Variants in MED16 observed in about 807,000 individuals in gnomAD.
The protein encoded by MED16 is mediator of RNA polymerase II transcription subunit 16.
In MED16, 81 loss-of-function variants were observed where a neutral mutation model predicts 84.4. The observed-to-expected ratio is 0.96, with a 90% CI of 0.80 to 1.15. MED16 has a LOEUF of 1.15. MED16 is among the 50% of genes most tolerant of loss of function. MED16 has a pLI of 0.00. For missense variants in MED16, 1,585 were observed against 1,245.9 expected (o/e 1.27, Z -4.10); for synonymous variants, 897 against 552.2 (o/e 1.62, Z -8.76).
intron 11 of MED16, among the ~76,000 whole-genome samples, chr19:872,527 A>G (rs1645800043): frequency 6.6e-6 from 1 of 151,922 alleles, no homozygotes; most frequent in Non-Finnish European, 1.5e-5. Flanking sequence ...AGCCCCACAA[A>G]AAGAAGAGAG....
intron 11 of MED16, chr19:872,971 G>T (rs1239180506): frequency 3.4e-6 from 2 of 591,660 alleles, no homozygotes; most frequent in Non-Finnish European, 4.3e-6. Context: ...AGGTGGGGCA[G>T]GGCTCCGAGG....
chr19:889,806 G>A lies in MED16; in HGVS notation c.279C>T (p.Gly93=), dbSNP rs1443314061. ...AITCLEWDQS[G]SRLLSADADG... is the part of the protein sequence containing the mutation. ...CGGCATCTGCTGACAGGAGCCGGGA[G>A]CCTGAGGGCAAGAAGCCATCATTGC... The change falls in exon 4 of 16, where the codon GGC becomes GGT. Residue 93 remains glycine, a splice_region_variant and synonymous_variant. Transcript: ENST00000325464. 4 of 1,609,448 alleles carry A rather than the reference G, an allele frequency of 2.5e-6. No homozygotes were observed. In the East Asian group the frequency reaches 6.7e-5, roughly 27 times the overall value.
In MED16 at chr19:871,076, G is replaced by T; in HGVS notation, c.2276C>A (p.Pro759His). Residue 759 changes from proline (P) to histidine (H), a missense_variant, in exon 13 of 16, where the codon CCT becomes CAT. Pro to His is a moderately conservative substitution (Grantham distance 77). Transcript: ENST00000325464. ...GAGCTGCAGGGTGGCAGCACTGCCA[G>T]GCAGCGTGGGCGCCCGGCCAAACTG... ...RLQFGRAPTLPGSAATLQLDG... is the reference protein window; with the variant it reads ...RLQFGRAPTLHGSAATLQLDG... The T allele has an allele frequency of 6.5e-7, 1 of 1,547,312 alleles. No homozygotes were observed.
At chr19:890,309 C>T (rs551335154) in intron 2 of MED16, 65 bp from the exon 3 acceptor site, 209 of 1,174,696 alleles carry the variant, frequency 1.8e-4, no homozygotes, top group Middle Eastern at 4.0e-4. Context: ...ACGATGACTC[C>T]AGGCAGGCTC....
At chr19:873,421 C>A in intron 11 of MED16, 28 bp downstream of exon 11, 1 of 1,568,984 alleles carries the variant, frequency 6.4e-7, no homozygotes, top group Non-Finnish European at 8.6e-7. Context: ...AGGTGGGGGG[C>A]GGGGCCTTAG....
intron 6 of MED16, among the ~76,000 whole-genome samples, chr19:884,086 GCCTGCCCCA>G (rs746450239): frequency 1.3e-5 from 2 of 152,120 alleles, no homozygotes; most frequent in African/African-American, 2.4e-5. Flanking sequence ...TCTGAGGAGC[GCCTGCCCCA>G]CCTGCCCCAC....
At chr19:882,153 G>A (rs150418941) in intron 6 of MED16, among the ~76,000 whole-genome samples, 2 of 152,240 alleles carry the variant, frequency 1.3e-5, no homozygotes, top group African/African-American at 4.8e-5. Context: ...CAGCCCCTGC[G>A]TGAAGACGCA....
chr19:871,780 G>C (rs1599317076), intron 12 of MED16, 146 bp downstream of exon 12: 2 of 458,804 alleles, frequency 4.4e-6, no homozygotes, highest in East Asian at 6.9e-5. Flanking sequence ...GGAGAGGGGA[G>C]AGGGGAGAGC....
Position 868,185 on chromosome 19 carries a change from A to G in MED16, c.2550T>C (p.Phe850=). The G allele has an allele frequency of 6.2e-7, 1 of 1,609,180 alleles. No homozygotes were observed. Among genetic ancestry groups the G allele is most frequent in the Non-Finnish European group, 8.5e-7 (1 of 1,178,366 alleles). The change falls in exon 16 of 16, where the codon TTT becomes TTC. Residue 850 remains phenylalanine, a synonymous_variant. Transcript: ENST00000325464. ...TSRASEEAPA[F]VQLGPQSTHH... ...GTGTGGACTGCGGGCCCAGCTGGAC[A>G]AAGGCAGGGGCTTCCTCAGAAGCTC...
At position 867,982 on chromosome 19, in the gene MED16, T is replaced by C. The variant is rs1038727574; in HGVS notation, c.*119A>G. The C allele has an allele frequency of 7.4e-7, 1 of 1,349,918 alleles. No homozygotes were observed. The highest frequency in any genetic ancestry group is 2.4e-5 in the East Asian group (1 of 41,450). The allele number at this position is 1,349,918 out of a possible 1,614,324, so 83.6% of individuals were successfully genotyped here. On this transcript the variant is annotated 3_prime_UTR_variant, in exon 16 of 16. Transcript: ENST00000325464. ...CGGGCCTGGGCGCAGAGGGCGTTTA[T>C]TGGACCTGTCCTTCCCAGCCGCTGC...
Position 868,473 on chromosome 19 carries a change from G to A in MED16, c.2426C>T (p.Ser809Leu), listed in dbSNP as rs199528280. The A allele has an allele frequency of 1.8e-4, 286 of 1,611,008 alleles. No homozygotes were observed. Among genetic ancestry groups the A allele is most frequent in the South Asian group, 7.1e-4 (65 of 91,084 alleles). ...TRCGCVTMLK[S>L]PNRTTAVKQW... ...CTTCACCGCCGTGGTTCTGTTGGGC[G>A]ACTTGAGCATGGTGACACAGCCGCA... Residue 809 changes from serine to leucine, a missense_variant, in exon 15 of 16, where the codon TCG becomes TTG. Ser to Leu is a moderately radical substitution (Grantham distance 145). Coordinates refer to ENST00000325464, the MANE Select transcript of MED16 (RefSeq NM_005481.3).
rs748316523 is a variant in MED16, at chr19:891,137, C to T, written c.-6G>A. 6.2e-7 allele frequency: 1 copy of T among 1,609,970 alleles called. No homozygotes were observed. The highest frequency in any genetic ancestry group is 1.3e-5 in the African/African-American group (1 of 74,864). On this transcript the variant is annotated 5_prime_UTR_variant, in exon 2 of 16. Coordinates refer to ENST00000325464, the MANE Select transcript of MED16 (RefSeq NM_005481.3). The stretch of plus-strand genomic sequence containing the variant: ...GGCCGCCGCAAATCACACATGAGGG[C>T]AGTCACCAGCTCCTGCGGGAGGGAG...
chr19:880,881 C>T (rs2036406926), intron 7 of MED16, among the ~76,000 whole-genome samples: 1 of 150,466 alleles, frequency 6.6e-6, no homozygotes, highest in Non-Finnish European at 1.5e-5. Context: ...GCCGAGATCA[C>T]ACCACTGCAC....
intron 1 of MED16, among the ~76,000 whole-genome samples, chr19:892,071 C>A (rs966839319): frequency 1.3e-5 from 2 of 151,946 alleles, no homozygotes; most frequent in African/African-American, 4.8e-5. Flanking sequence ...GAGGCGGGGG[C>A]TGAGTGTCAC....
intron 12 of MED16, chr19:871,596 A>G (rs1373357342): frequency 6.3e-7 from 1 of 1,595,896 alleles, no homozygotes; most frequent in South Asian, 1.1e-5. Context: ...GAGAGACAGC[A>G]AACAGGTGCC....
intron 7 of MED16, among the ~76,000 whole-genome samples, 154 bp from the exon 8 acceptor site, chr19:880,302 ACT>A (rs2036393749): frequency 6.6e-6 from 1 of 152,108 alleles, no homozygotes; most frequent in Admixed American, 6.5e-5. Flanking sequence ...GCCCCCAGCC[ACT>A]CTTTCTTTAG....
chr19:890,082 C>T (rs1036383938), intron 3 of MED16, 55 bp downstream of exon 3: 69 of 1,348,948 alleles, frequency 5.1e-5, no homozygotes, highest in Non-Finnish European at 6.3e-5. Flanking sequence ...ACACAGGGCC[C>T]CCCTGCTCCG....
At chr19:883,696 G>A (rs1332488986) in intron 6 of MED16, among the ~76,000 whole-genome samples, 1 of 152,172 alleles carries the variant, frequency 6.6e-6, no homozygotes, top group Admixed American at 6.5e-5. Flanking sequence ...TGGCTTGGCT[G>A]TGGGCAGATG....
intron 6 of MED16, among the ~76,000 whole-genome samples, chr19:882,860 T>C (rs2036448383): frequency 6.6e-6 from 1 of 152,150 alleles, no homozygotes; most frequent in South Asian, 2.1e-4. Flanking sequence ...TCACAGAGCC[T>C]TGACCTCCTG....
Sources: gnomAD v4.1 joint callset for allele counts (sites outside exome capture counted in the v4.1 genomes callset) on GRCh38, gnomAD v4.1.1 for gene constraint, MANE v1.5 for transcripts, NCBI Gene and HGNC (gene_info 2026-07-23, HGNC 2026-07-21) for gene names.